The following RIMS2 variants were observed in gnomAD, a reference collection of about 807,000 sequenced individuals.
The protein encoded by RIMS2 is regulating synaptic membrane exocytosis 2.
A neutral mutation model predicts 174.4 loss-of-function variants in RIMS2; 59 were observed. The ratio of observed to expected loss-of-function variants is 0.34; its 90% confidence interval spans 0.27 to 0.42. RIMS2 has a LOEUF of 0.42. RIMS2 is among the 10% of genes least tolerant of loss of function. The pLI is 1.00. For missense variants in RIMS2, 1,620 were observed against 1,666.3 expected (o/e 0.97, Z 0.48); for synonymous variants, 606 against 572.5 (o/e 1.06, Z -0.84).
At chr8:104,196,648 G>A (rs2099025921) in intron 19 of RIMS2, among the ~76,000 whole-genome samples, 1 of 152,074 alleles carries the variant, frequency 6.6e-6, no homozygotes. Flanking sequence ...TACAGGATGT[G>A]TTTGCTAACA....
chr8:103,998,339 T>C, intron 17 of RIMS2: 1 of 793,836 alleles, frequency 1.3e-6, no homozygotes, highest in East Asian at 2.7e-5. Flanking sequence ...TCTGTTTTTA[T>C]GTATATACAT....
Position 103,998,273 on chromosome 8 carries a change from T to A in RIMS2, c.3044+8852T>A, listed in dbSNP as rs1474527878. ...CAGGTATATTTTTCTTACAATTGAGTCTGTTTGTGGAATTGCTTGTGCCTG... is the reference window on the plus strand; with the variant it reads ...CAGGTATATTTTTCTTACAATTGAGACTGTTTGTGGAATTGCTTGTGCCTG... On this transcript the variant is annotated intron_variant, in intron 17 of 23. Coordinates refer to ENST00000504942, the Ensembl canonical transcript of RIMS2. 1.9e-6 allele frequency: 3 copies of A among 1,557,914 alleles called. No individual in the cohort carries two copies. The African/African-American group carries it at 4.1e-5, about 21-fold the overall frequency.
intron 2 of RIMS2, among the ~76,000 whole-genome samples, chr8:103,726,064 A>G (rs1175655975): frequency 6.6e-6 from 1 of 152,208 alleles, no homozygotes; most frequent in African/African-American, 2.4e-5. Flanking sequence ...CTGAACAAAT[A>G]TCATATATAG....
At chr8:103,788,144 G>T (rs1218148967) in intron 3 of RIMS2, among the ~76,000 whole-genome samples, 1 of 149,768 alleles carries the variant, frequency 6.7e-6, no homozygotes, top group Non-Finnish European at 1.5e-5. Flanking sequence ...GCACTTCTCT[G>T]TATTGGTTAT....
chr8:103,587,491 A>T (rs2133153036), intron 1 of RIMS2, among the ~76,000 whole-genome samples: 1 of 151,286 alleles, frequency 6.6e-6, no homozygotes, highest in East Asian at 1.9e-4. Context: ...AATATTTCTG[A>T]TGAATATTGG....
intron 1 of RIMS2, among the ~76,000 whole-genome samples, chr8:103,575,606 G>A (rs2093158500): frequency 6.7e-6 from 1 of 148,886 alleles, no homozygotes; most frequent in Middle Eastern, 3.2e-3. Context: ...CCCACCACAG[G>A]AAATATGTAT....
intron 11 of RIMS2, among the ~76,000 whole-genome samples, chr8:103,928,343 C>T (rs1428452727): frequency 6.6e-6 from 1 of 151,356 alleles, no homozygotes; most frequent in Non-Finnish European, 1.5e-5. Context: ...AAATTTGTAC[C>T]TTACTTAAAA....
intron 3 of RIMS2, among the ~76,000 whole-genome samples, chr8:103,820,985 T>G (rs1193849140): frequency 6.6e-6 from 1 of 151,500 alleles, no homozygotes; most frequent in Non-Finnish European, 1.5e-5. Flanking sequence ...TACCAGAGTT[T>G]TAGGATTTGT....
intron 2 of RIMS2, among the ~76,000 whole-genome samples, chr8:103,751,340 C>T (rs2097888620): frequency 6.6e-6 from 1 of 151,838 alleles, no homozygotes; most frequent in African/African-American, 2.4e-5. Flanking sequence ...TTAATCCAGT[C>T]TATCATTGTT....
At chr8:104,074,929 A>G (rs1263277570) in intron 19 of RIMS2, among the ~76,000 whole-genome samples, 1 of 152,332 alleles carries the variant, frequency 6.6e-6, no homozygotes, top group South Asian at 2.1e-4. Flanking sequence ...TAAAATGTAG[A>G]TTAGATAGCC....
At chr8:103,838,993 A>C (rs2154485210) in intron 3 of RIMS2, among the ~76,000 whole-genome samples, 1 of 152,080 alleles carries the variant, frequency 6.6e-6, no homozygotes, top group South Asian at 2.1e-4. Flanking sequence ...TGAACCCGGG[A>C]GGTGGAGCTT....
intron 1 of RIMS2, among the ~76,000 whole-genome samples, chr8:103,544,434 G>A (rs1844008081): frequency 6.6e-6 from 1 of 152,262 alleles, no homozygotes; most frequent in Non-Finnish European, 1.5e-5. Flanking sequence ...GGCAGTCAGT[G>A]CCTGCTAGAG....
intron 3 of RIMS2, among the ~76,000 whole-genome samples, chr8:103,858,740 CA>C (rs2099042290): frequency 6.6e-6 from 1 of 150,702 alleles, no homozygotes; most frequent in Non-Finnish European, 1.5e-5. Context: ...TATACACACA[CA>C]CACACACACA....
At chr8:103,526,231 G>A (rs1023453242) in intron 1 of RIMS2, among the ~76,000 whole-genome samples, 2 of 152,160 alleles carry the variant, frequency 1.3e-5, no homozygotes, top group African/African-American at 2.4e-5. Flanking sequence ...GAATTGAATG[G>A]TCCACATACA....
intron 3 of RIMS2, among the ~76,000 whole-genome samples, chr8:103,809,715 G>T (rs1250261738): frequency 6.6e-6 from 1 of 152,154 alleles, no homozygotes; most frequent in Non-Finnish European, 1.5e-5. Flanking sequence ...GCACCAACAA[G>T]TGGGGAGGCT....
intron 3 of RIMS2, among the ~76,000 whole-genome samples, chr8:103,789,150 C>T (rs995362768): frequency 1.7e-4 from 26 of 152,158 alleles, no homozygotes; most frequent in Admixed American, 6.5e-5. Context: ...TGCGCGCACC[C>T]ACTGACCTGC....
At position 103,627,178 on chromosome 8, in the gene RIMS2, T is replaced by C. The variant is rs150086097; in HGVS notation, c.177-69908T>C. 6.1e-3 allele frequency among the ~76,000 whole-genome samples: 924 copies of C among 152,236 alleles called. 10 individuals carry two copies. Among genetic ancestry groups the C allele is most frequent in the African/African-American group, 0.02 (836 of 41,542 alleles). ...TTCCCCAGGGTTTCAATTATTAATA[T>C]TCCTTGCTGGGAAAAGAATTCAGCA... On this transcript the variant is annotated intron_variant, in intron 1 of 23. Transcript: ENST00000504942.
chr8:104,124,433 G>T (rs2098411862), intron 19 of RIMS2, among the ~76,000 whole-genome samples: 1 of 152,040 alleles, frequency 6.6e-6, no homozygotes, highest in Non-Finnish European at 1.5e-5. Context: ...AGTTCATTTT[G>T]CCTCTTCTCA....
intron 4 of RIMS2, among the ~76,000 whole-genome samples, chr8:103,894,160 T>TGTAGGGG (rs1203448545): frequency 3.3e-5 from 5 of 149,908 alleles, no homozygotes; most frequent in African/African-American, 9.9e-5. Flanking sequence ...AAATAACTAT[T>TGTAGGGG]TTAAGAGAAA....
Sources: allele counts gnomAD v4.1 joint callset (sites outside exome capture counted in the v4.1 genomes callset), GRCh38; gene constraint gnomAD v4.1.1; transcripts MANE v1.5; gene names NCBI Gene and HGNC (gene_info 2026-07-23, HGNC 2026-07-21).